NCAM2: variants seen among roughly 807,000 people sequenced by gnomAD.
NCAM2 encodes neural cell adhesion molecule 2.
In NCAM2, 30 loss-of-function variants were observed where a neutral mutation model predicts 98.1. The ratio of observed to expected loss-of-function variants is 0.31; its 90% CI spans 0.23 to 0.41. The LOEUF (loss-of-function observed/expected upper bound fraction) is 0.41, where lower values mean the gene tolerates loss of function less well. Ranked by LOEUF, NCAM2 falls within the 10% of genes least tolerant of loss-of-function variation. The pLI is 1.00. For missense variants in NCAM2, 867 were observed against 1,005.8 expected (o/e 0.86, Z 1.87); for synonymous variants, 368 against 342.4 (o/e 1.07, Z -0.83).
At chr21:21,105,626 A>T in intron 1 of NCAM2, among the ~76,000 whole-genome samples, 1 of 152,218 alleles carries the variant, frequency 6.6e-6, no homozygotes, top group East Asian at 1.9e-4. Context: ...TATTGGCAAA[A>T]ACATTAATAA....
chr21:21,533,102 A>G (rs1325827256), intron 16 of NCAM2, among the ~76,000 whole-genome samples: 1 of 146,904 alleles, frequency 6.8e-6, no homozygotes, highest in Non-Finnish European at 1.5e-5. Context: ...TTTTTTCTAT[A>G]TAAGTCTCAG....
chr21:21,438,294 G>A (rs1447203662), intron 12 of NCAM2, among the ~76,000 whole-genome samples: 2 of 151,424 alleles, frequency 1.3e-5, no homozygotes, highest in Non-Finnish European at 2.9e-5. Flanking sequence ...TGCTATTTAA[G>A]ATGAATATTG....
chr21:21,465,702 G>C (rs1317109387), intron 12 of NCAM2, among the ~76,000 whole-genome samples: 2 of 151,764 alleles, frequency 1.3e-5, no homozygotes, highest in African/African-American at 2.4e-5. Context: ...AATATTAATT[G>C]ATTATGTGAC....
chr21:21,286,341 G>C lies in NCAM2; in HGVS notation c.410G>C (p.Arg137Pro). The part of the protein sequence containing the change: ...KQGEDAEVVC[R>P]VSSSPAPAVS... ...GGAGAAGATGCAGAAGTGGTTTGCC[G>C]AGTTAGCAGTTCACCTGCACCTGCT... is the stretch of plus-strand genomic sequence containing the variant. The change falls in exon 4 of 18, where the codon CGA becomes CCA. Residue 137 changes from arginine to proline, a missense_variant. Coordinates refer to ENST00000400546, the MANE Select transcript of NCAM2 (RefSeq NM_004540.5). 1 of 1,612,382 alleles carries C rather than the reference G, an allele frequency of 6.2e-7. No homozygotes were observed. Among genetic ancestry groups the C allele is most frequent in the South Asian group, 1.1e-5 (1 of 91,016 alleles).
chr21:21,355,514 GGA>G (rs1255015858), intron 8 of NCAM2, among the ~76,000 whole-genome samples: 1 of 97,906 alleles, frequency 1.0e-5, no homozygotes, highest in African/African-American at 3.3e-5. Flanking sequence ...AATAAGGGAG[GGA>G]GAGAGGGAGG....
intron 1 of NCAM2, among the ~76,000 whole-genome samples, chr21:21,060,488 T>C (rs1272914331): frequency 1.3e-5 from 2 of 152,112 alleles, no homozygotes; most frequent in African/African-American, 4.8e-5. Context: ...ATTTAAAATG[T>C]TGTCTTAAGC....
At chr21:21,498,232 T>A (rs547657059) in intron 15 of NCAM2, among the ~76,000 whole-genome samples, 1 of 152,260 alleles carries the variant, frequency 6.6e-6, no homozygotes, top group South Asian at 2.1e-4. Context: ...TCAAATTAAG[T>A]GCTGTATTCC....
chr21:21,132,382 C>A (rs1786940386), intron 1 of NCAM2, among the ~76,000 whole-genome samples: 1 of 108,838 alleles, frequency 9.2e-6, no homozygotes, highest in African/African-American at 3.3e-5. Flanking sequence ...TACTTAATCA[C>A]ATCTGTAAAG....
At chr21:21,210,359 A>C (rs185815492) in intron 1 of NCAM2, among the ~76,000 whole-genome samples, 158 of 152,350 alleles carry the variant, frequency 1.0e-3, no homozygotes, top group Non-Finnish European at 1.1e-3. Flanking sequence ...ACCTGAAAAC[A>C]CTTTAATCAC....
At chr21:21,008,985 A>G (rs553115771) in intron 1 of NCAM2, among the ~76,000 whole-genome samples, 1 of 152,250 alleles carries the variant, frequency 6.6e-6, no homozygotes, top group South Asian at 2.1e-4. Flanking sequence ...CTGCACTTCA[A>G]ACTTACGGTA....
At chr21:21,236,848 C>T (rs886169041) in intron 1 of NCAM2, among the ~76,000 whole-genome samples, 1 of 151,932 alleles carries the variant, frequency 6.6e-6, no homozygotes, top group South Asian at 2.1e-4. Flanking sequence ...CTAATATCCA[C>T]AATATCACTA....
At chr21:21,239,521 G>A (rs967847623) in intron 1 of NCAM2, 2 of 152,022 alleles carry the variant, frequency 1.3e-5, no homozygotes, top group Non-Finnish European at 2.9e-5. Context: ...TAAAAGTAAG[G>A]CTTTCTATTG....
chr21:21,382,443 TCA>T (rs764077129), intron 9 of NCAM2, among the ~76,000 whole-genome samples: 74 of 152,220 alleles, frequency 4.9e-4, no homozygotes, highest in Non-Finnish European at 8.7e-4. Flanking sequence ...CCTCTTCAAG[TCA>T]ACTGACTCTT....
intron 1 of NCAM2, among the ~76,000 whole-genome samples, chr21:21,023,796 T>C (rs2064485675): frequency 6.6e-6 from 1 of 152,140 alleles, no homozygotes; most frequent in Non-Finnish European, 1.5e-5. Context: ...AGCATTATTG[T>C]TTAGCATTTA....
intron 1 of NCAM2, among the ~76,000 whole-genome samples, chr21:21,122,040 G>C (rs1380446218): frequency 6.6e-6 from 1 of 152,182 alleles, no homozygotes. Flanking sequence ...TGGACTGCTG[G>C]TTTTAGAGAG....
intron 9 of NCAM2, among the ~76,000 whole-genome samples, chr21:21,400,786 C>T (rs972532724): frequency 3.9e-5 from 6 of 152,026 alleles, no homozygotes; most frequent in Non-Finnish European, 8.8e-5. Flanking sequence ...TAGTAAACTA[C>T]ACCAGAGGCT....
intron 13 of NCAM2, 145 bp downstream of exon 13, chr21:21,466,870 T>A (rs1351204960): frequency 1.1e-6 from 1 of 882,546 alleles, no homozygotes; most frequent in East Asian, 2.9e-5. Flanking sequence ...GACAGTGACA[T>A]CTGAGATTTA....
intron 1 of NCAM2, among the ~76,000 whole-genome samples, chr21:21,268,345 C>T (rs2072363370): frequency 6.6e-6 from 1 of 152,162 alleles, no homozygotes; most frequent in Non-Finnish European, 1.5e-5. Flanking sequence ...ATTGCACCTT[C>T]CCACACCACA....
intron 1 of NCAM2, among the ~76,000 whole-genome samples, chr21:21,166,637 C>T (rs2067961374): frequency 1.3e-5 from 2 of 152,114 alleles, no homozygotes; most frequent in South Asian, 4.2e-4. Context: ...TGCTACAATT[C>T]CACTCAGTCA....
Sources: gnomAD v4.1 joint callset for allele counts (sites outside exome capture counted in the v4.1 genomes callset) on GRCh38, gnomAD v4.1.1 for gene constraint, MANE v1.5 for transcripts, NCBI Gene and HGNC (gene_info 2026-07-23, HGNC 2026-07-21) for gene names.